Variants in RFX3 observed in about 807,000 individuals in gnomAD.
The protein encoded by RFX3 is regulatory factor X3, also known as transcription factor RFX3.
In RFX3, 14 loss-of-function variants were observed where a neutral mutation model predicts 98.6. The observed-to-expected ratio is 0.14, with a 90% confidence interval of 0.09 to 0.22. The LOEUF (loss-of-function observed/expected upper bound fraction) is 0.22, where lower values mean the gene tolerates loss of function less well. Ranked by LOEUF, RFX3 falls within the 10% of genes least tolerant of loss-of-function variation. The pLI, the probability that RFX3 is intolerant of heterozygous loss-of-function variation, is 1.00. For missense variants in RFX3, 639 were observed against 926.9 expected (o/e 0.69, Z 4.03); for synonymous variants, 383 against 328.4 (o/e 1.17, Z -1.80).
intron 1 of RFX3, among the ~76,000 whole-genome samples, chr9:3,485,044 C>T (rs1356328448): frequency 1.3e-5 from 2 of 151,956 alleles, no homozygotes; most frequent in South Asian, 4.2e-4. Context: ...CCAGGGAGTT[C>T]AAGGCTTCAG....
intron 4 of RFX3, among the ~76,000 whole-genome samples, chr9:3,312,352 C>G (rs1396886040): frequency 1.3e-5 from 2 of 152,104 alleles, no homozygotes; most frequent in African/African-American, 2.4e-5. Context: ...CAGTTCCCAT[C>G]TAGTCAATGG....
chr9:3,372,561 T>C (rs1489519776), intron 2 of RFX3, among the ~76,000 whole-genome samples: 1 of 150,804 alleles, frequency 6.6e-6, no homozygotes, highest in African/African-American at 2.4e-5. Context: ...TTTTTTTTTT[T>C]TTTTGAGATG....
At chr9:3,342,992 A>T (rs1275611287) in intron 3 of RFX3, among the ~76,000 whole-genome samples, 1 of 152,238 alleles carries the variant, frequency 6.6e-6, no homozygotes, top group African/African-American at 2.4e-5. Context: ...AAGCAGTCTC[A>T]GTTGTTTAAT....
intron 11 of RFX3, 100 bp downstream of exon 11, chr9:3,270,271 T>C: frequency 2.4e-6 from 3 of 1,249,088 alleles, no homozygotes; most frequent in East Asian, 2.4e-5. Flanking sequence ...CAAATCTAAA[T>C]GAAATTAGAA....
At chr9:3,338,880 G>T (rs1833523660) in intron 3 of RFX3, among the ~76,000 whole-genome samples, 1 of 152,148 alleles carries the variant, frequency 6.6e-6, no homozygotes, top group Non-Finnish European at 1.5e-5. Flanking sequence ...ACAAGGTCAG[G>T]AGTTCGAGAC....
chr9:3,382,586 T>A (rs1255292717), intron 2 of RFX3, among the ~76,000 whole-genome samples: 1 of 152,176 alleles, frequency 6.6e-6, no homozygotes, highest in East Asian at 1.9e-4. Context: ...TTTGTCTTTT[T>A]CTTGAGAATC....
chr9:3,378,609 T>G (rs1838822374), intron 2 of RFX3, among the ~76,000 whole-genome samples: 1 of 148,774 alleles, frequency 6.7e-6, no homozygotes, highest in African/African-American at 2.5e-5. Flanking sequence ...CAGGTTAGAG[T>G]GCAATGGTGC....
chr9:3,513,715 G>C (rs183564293), intron 1 of RFX3, among the ~76,000 whole-genome samples: 7 of 152,224 alleles, frequency 4.6e-5, no homozygotes. Context: ...ACTCTGATCT[G>C]TATCTCCAGT....
intron 4 of RFX3, among the ~76,000 whole-genome samples, chr9:3,315,864 G>A (rs933531138): frequency 1.2e-4 from 18 of 152,206 alleles, no homozygotes; most frequent in Admixed American, 6.5e-4. Flanking sequence ...AACAGGTTCC[G>A]AAATTGAGGC....
chr9:3,364,533 T>A (rs1836823459), intron 2 of RFX3: 1 of 172,174 alleles, frequency 5.8e-6, no homozygotes, highest in Admixed American at 6.1e-5. Context: ...TGATGCCATA[T>A]TTGGTTGATG....
At chr9:3,447,237 A>T (rs1379846286) in intron 1 of RFX3, among the ~76,000 whole-genome samples, 1 of 152,172 alleles carries the variant, frequency 6.6e-6, no homozygotes, top group African/African-American at 2.4e-5. Context: ...ACAAGAAAAA[A>T]AAACTGAAGT....
intron 4 of RFX3, among the ~76,000 whole-genome samples, chr9:3,322,287 C>T (rs946215936): frequency 6.6e-6 from 1 of 152,112 alleles, no homozygotes; most frequent in African/African-American, 2.4e-5. Context: ...TTTTGTATCC[C>T]TGGCGAACTT....
In RFX3 at chr9:3,288,143, T is replaced by C; in HGVS notation, c.839A>G (p.Gln280Arg). ...QYMAMRQQPM[Q>R]QKQRYKPMQK... is the part of the protein sequence containing the mutation. Reference sequence around the variant, plus strand: ...CTTCAGAGTCTACCTTTGTTTCTGTTGCATGGGTTGTTGTCTCATAGCCAT... The same window carrying C: ...CTTCAGAGTCTACCTTTGTTTCTGTCGCATGGGTTGTTGTCTCATAGCCAT... Residue 280 changes from glutamine (Q) to arginine (R), a missense_variant, in exon 7 of 17, where the codon CAA (glutamine) becomes CGA (arginine). By Grantham distance (43) the Gln-to-Arg change is conservative (BLOSUM62 1). Transcript: ENST00000617270. 2 of 1,612,818 alleles carry C rather than the reference T, an allele frequency of 1.2e-6. No homozygotes were observed. Among genetic ancestry groups the C allele is most frequent in the Non-Finnish European group, 1.7e-6 (2 of 1,178,994 alleles).
At chr9:3,260,333 T>A (rs111434724) in intron 13 of RFX3, among the ~76,000 whole-genome samples, 65 of 152,032 alleles carry the variant, frequency 4.3e-4, no homozygotes, top group African/African-American at 1.4e-3. Flanking sequence ...AGAGGATAAG[T>A]CGTACAGTAG....
chr9:3,521,299 T>C (rs1366663809), intron 1 of RFX3, among the ~76,000 whole-genome samples: 1 of 152,220 alleles, frequency 6.6e-6, no homozygotes, highest in Non-Finnish European at 1.5e-5. Flanking sequence ...TATCAATCTT[T>C]ATATTGTTAT....
chr9:3,456,110 G>A (rs1253064938), intron 1 of RFX3, among the ~76,000 whole-genome samples: 1 of 152,174 alleles, frequency 6.6e-6, no homozygotes, highest in Non-Finnish European at 1.5e-5. Context: ...TGTTTTTATA[G>A]GGGTTTTACT....
chr9:3,352,702 G>C (rs1257484647), intron 2 of RFX3, among the ~76,000 whole-genome samples: 12 of 152,004 alleles, frequency 7.9e-5, no homozygotes, highest in Non-Finnish European at 5.9e-5. Context: ...GATGTTTTCA[G>C]TCATGTGACA....
intron 3 of RFX3, among the ~76,000 whole-genome samples, chr9:3,334,094 C>T (rs1832892312): frequency 6.7e-6 from 1 of 149,872 alleles, no homozygotes; most frequent in Non-Finnish European, 1.5e-5. Context: ...ACCATTATGT[C>T]AAAAAAAAAG....
chr9:3,418,282 T>A (rs1406701126), intron 1 of RFX3, among the ~76,000 whole-genome samples: 2 of 152,224 alleles, frequency 1.3e-5, no homozygotes, highest in African/African-American at 4.8e-5. Context: ...AAGTTACTGC[T>A]TTCTGTGGGC....
Sources: gnomAD v4.1 joint callset for allele counts (sites outside exome capture counted in the v4.1 genomes callset) on GRCh38, gnomAD v4.1.1 for gene constraint, MANE v1.5 for transcripts, NCBI Gene and HGNC (gene_info 2026-07-23, HGNC 2026-07-21) for gene names.